Variants in ERAP1 observed in about 807,000 individuals in gnomAD.
ERAP1 encodes the protein endoplasmic reticulum aminopeptidase 1, also known as adipocyte-derived leucine aminopeptidase.
Under a neutral mutation model 103.7 loss-of-function variants are expected in ERAP1, and 86 were observed. That is an observed-to-expected ratio of 0.83 (90% CI 0.70 to 0.99). The LOEUF is 0.99. Among genes scored for constraint, ERAP1 ranks in the 50% least tolerant of loss-of-function variants. The pLI is 0.00. For missense variants in ERAP1, 1,009 were observed against 1,128.4 expected, an observed-to-expected ratio of 0.89 and a Z score of 1.52; for synonymous variants, 398 against 402.4, an observed-to-expected ratio of 0.99 and a Z score of 0.13.
chr5:96,909,202 C>T, the ERAP1 span: 1 of 1,365,194 alleles, frequency 7.3e-7, no homozygotes, highest in Non-Finnish European at 1.0e-6. Flanking sequence ...GTGTGAAGTC[C>T]TTGAGGTTAA....
At chr5:96,904,888 A>T in the ERAP1 span, among the ~76,000 whole-genome samples, 1 of 152,358 alleles carries the variant, frequency 6.6e-6, no homozygotes, top group African/African-American at 2.4e-5. Context: ...AGACAGATTA[A>T]TGAAGTTAAG....
At chr5:96,883,986 C>G in the ERAP1 span, 4 of 1,494,574 alleles carry the variant, frequency 2.7e-6, no homozygotes, top group African/African-American at 2.9e-5. Flanking sequence ...ACTCAGTCTT[C>G]GTTTGTTTTT....
At chr5:96,766,222 T>TAGCTATACTCCTTTACAATAGCATAAAAC in intron 19 of ERAP1, 1 of 823,772 alleles carries the variant, frequency 1.2e-6, no homozygotes, top group Non-Finnish European at 2.1e-6. Flanking sequence ...AAATAAATAG[T>TAGCTATACTCCTTTACAATAGCATAAAAC]AGCTATACTC....
chr5:96,925,652 A>G, the ERAP1 span, among the ~76,000 whole-genome samples: 1 of 152,238 alleles, frequency 6.6e-6, no homozygotes, highest in Non-Finnish European at 1.5e-5. Flanking sequence ...AGCTCCTTCA[A>G]GAAATTTAAC....
intron 2 of ERAP1, among the ~76,000 whole-genome samples, 161 bp from the exon 3 acceptor site, chr5:96,801,161 G>A (rs146504612): frequency 2.0e-5 from 3 of 152,234 alleles, no homozygotes; most frequent in African/African-American, 7.2e-5. Flanking sequence ...GTTAAAAGAC[G>A]AGTTACACTG....
At chr5:96,867,981 G>A in the ERAP1 span, among the ~76,000 whole-genome samples, 1 of 152,034 alleles carries the variant, frequency 6.6e-6, no homozygotes, top group Non-Finnish European at 1.5e-5. Context: ...GTCTGAGGCA[G>A]GGAGAATTGC....
At chr5:96,844,730 A>T in the ERAP1 span, among the ~76,000 whole-genome samples, 1 of 152,194 alleles carries the variant, frequency 6.6e-6, no homozygotes, top group Non-Finnish European at 1.5e-5. Flanking sequence ...AAGAAAAGAG[A>T]ATGCTAAAAA....
At chr5:96,896,498 T>A in the ERAP1 span, 1 of 1,613,152 alleles carries the variant, frequency 6.2e-7, no homozygotes, top group Middle Eastern at 1.7e-4. Flanking sequence ...AAGTTTCCTA[T>A]AACAAGGTAG....
chr5:96,891,369 GTGTA>G, the ERAP1 span, among the ~76,000 whole-genome samples: 310 of 34,366 alleles, frequency 9.0e-3, 2 homozygotes, highest in African/African-American at 0.019. Context: ...ATATATATAT[GTGTA>G]TATATATATA....
At chr5:96,807,718 C>G (rs1364483262) in intron 1 of ERAP1, 142 bp downstream of exon 1, 27 of 524,012 alleles carry the variant, frequency 5.2e-5, no homozygotes, top group Non-Finnish European at 6.6e-5. Flanking sequence ...TCCCGCGCCC[C>G]GTCTCCCTCC....
At chr5:96,808,187 C>CGTGTGTGTGTGTGT (rs748632954), upstream of ERAP1, 124 of 770,886 alleles carry the variant, frequency 1.6e-4, 2 homozygotes, top group African/African-American at 1.2e-3. Flanking sequence ...AACGCGGATC[C>CGTGTGTGTGTGTGT]GTGTGTGTGT....
At chr5:96,917,726 G>T in the ERAP1 span, 1 of 685,880 alleles carries the variant, frequency 1.5e-6, no homozygotes, top group Admixed American at 3.6e-5. Context: ...CTAACACGGT[G>T]AGACCCCGTC....
chr5:96,929,752 A>T, the ERAP1 span, among the ~76,000 whole-genome samples: 1 of 152,016 alleles, frequency 6.6e-6, no homozygotes, highest in Non-Finnish European at 1.5e-5. Flanking sequence ...ACAGAGTTTG[A>T]CTCTTTTCAT....
At chr5:96,864,192 GAAT>G in the ERAP1 span, among the ~76,000 whole-genome samples, 9 of 152,260 alleles carry the variant, frequency 5.9e-5, no homozygotes, top group South Asian at 1.9e-3. Flanking sequence ...GCTGCTAAAT[GAAT>G]AATGTTACCA....
At chr5:96,861,608 T>C in the ERAP1 span, among the ~76,000 whole-genome samples, 4 of 152,240 alleles carry the variant, frequency 2.6e-5, no homozygotes, top group African/African-American at 9.6e-5. Context: ...TAATAAGCAC[T>C]AATATCTCTG....
In ERAP1 at chr5:96,775,589, G is replaced by T; in HGVS notation, c.*807C>A. ...ATAAAAAGATTTTTTGCAAAAGTGC[G>T]AGCACATTATGTAGAAACCACAAGT... On this transcript the variant is annotated 3_prime_UTR_variant, in exon 19 of 19. Transcript: ENST00000443439. 1.2e-6 allele frequency: 1 copy of T among 807,902 alleles called. No homozygotes were observed. The highest frequency in any genetic ancestry group is 1.5e-6 in the Non-Finnish European group (1 of 668,242). The allele number at this position is 807,902 out of a possible 1,614,324, so 50.0% of individuals were successfully genotyped here.
chr5:96,893,669 G>T, the ERAP1 span, among the ~76,000 whole-genome samples: 10 of 152,296 alleles, frequency 6.6e-5, no homozygotes, highest in South Asian at 2.1e-3. Flanking sequence ...GCAGTCAAGT[G>T]CTGAAGCAGC....
rs747347057 is a variant in ERAP1 at position 96,780,403 on chromosome 5, T to G, written c.2670+20A>C. On this transcript the variant is annotated intron_variant, in intron 18 of 18. Coordinates refer to ENST00000443439, the MANE Select transcript of ERAP1 (RefSeq NM_001040458.3). ...TTTCATTTATGTTTAAAAATATATA[T>G]ATAGATTTTTTTTTTTTACCTCTTC... 36 of 1,514,906 alleles carry G rather than the reference T, an allele frequency of 2.4e-5. No homozygotes were observed. Among genetic ancestry groups the G allele is most frequent in the South Asian group, 3.7e-5 (3 of 81,694 alleles). The allele number at this position is 1,514,906 out of a possible 1,614,324, so 93.8% of individuals were successfully genotyped here.
the ERAP1 span, among the ~76,000 whole-genome samples, chr5:96,859,373 C>G: frequency 2.6e-5 from 4 of 152,096 alleles, no homozygotes; most frequent in Middle Eastern, 3.2e-3. Flanking sequence ...TCTGCGAGTG[C>G]AGGTTGAGTT....
Sources: gnomAD v4.1 joint callset for allele counts (sites outside exome capture counted in the v4.1 genomes callset) on GRCh38, gnomAD v4.1.1 for gene constraint, MANE v1.5 for transcripts, NCBI Gene and HGNC (gene_info 2026-07-23, HGNC 2026-07-21) for gene names.